KDM6A: variants seen among roughly 807,000 people sequenced by gnomAD.
The protein encoded by KDM6A is lysine demethylase 6A, also known as lysine-specific demethylase 6A.
In KDM6A, 11 loss-of-function variants were observed where a neutral mutation model predicts 117.6. The ratio of observed to expected loss-of-function variants is 0.09; its 90% CI spans 0.06 to 0.15. The LOEUF (loss-of-function observed/expected upper bound fraction) is 0.15. Among genes scored for constraint, KDM6A ranks in the 10% least tolerant of loss-of-function variants. The pLI is 1.00. For synonymous variants in KDM6A, 384 were observed against 396.1 expected (o/e 0.97, Z 0.36); for missense variants, 799 against 1,077.3 (o/e 0.74, Z 3.62).
chrX:44,904,948 T>G (rs1014938827), intron 2 of KDM6A, among the ~76,000 whole-genome samples: 1 of 112,243 alleles, frequency 8.9e-6, no homozygotes. Context: ...ATTCTGAAAC[T>G]ATTTGCTCGT....
chrX:44,985,812 C>A (rs756682991), intron 4 of KDM6A, among the ~76,000 whole-genome samples: 34 of 111,407 alleles, frequency 3.1e-4, no homozygotes, highest in African/African-American at 8.1e-4. Flanking sequence ...TCGGTTTGTC[C>A]GTATTTTATT....
chrX:45,004,971 C>T (rs2041359525), intron 4 of KDM6A, among the ~76,000 whole-genome samples: 1 of 111,024 alleles, frequency 9.0e-6, no homozygotes. Context: ...GTGGTTTAAG[C>T]TCCTTTTTAA....
At chrX:44,886,752 A>C (rs1307627653) in intron 2 of KDM6A, among the ~76,000 whole-genome samples, 6 of 109,577 alleles carry the variant, frequency 5.5e-5, no homozygotes, top group Non-Finnish European at 1.1e-4. Flanking sequence ...CTGCCTCCCA[A>C]AGTGCTGAGA....
chrX:45,109,244 A>T (rs1336689878), intron 28 of KDM6A, among the ~76,000 whole-genome samples: 1 of 111,010 alleles, frequency 9.0e-6, no homozygotes, highest in East Asian at 2.8e-4. Context: ...TAAAGAAGGG[A>T]AAGAATTCAA....
At chrX:45,007,485 G>C (rs1297142043) in intron 4 of KDM6A, among the ~76,000 whole-genome samples, 1 of 107,557 alleles carries the variant, frequency 9.3e-6, no homozygotes, top group Admixed American at 9.7e-5. Flanking sequence ...TAAATGGCTG[G>C]TGTCATTGCT....
intron 4 of KDM6A, among the ~76,000 whole-genome samples, chrX:44,998,832 C>T (rs1288670732): frequency 9.0e-6 from 1 of 111,714 alleles, no homozygotes; most frequent in East Asian, 2.8e-4. Flanking sequence ...GTGGTGGCTA[C>T]AGTCAAATTC....
At chrX:45,009,413 T>G (rs2041655376) in intron 4 of KDM6A, among the ~76,000 whole-genome samples, 1 of 111,656 alleles carries the variant, frequency 9.0e-6, no homozygotes, top group Admixed American at 9.5e-5. Context: ...TCACTTTTGT[T>G]GCCATCTTGG....
At position 44,873,250 on chromosome X, in the gene KDM6A, C is replaced by T. The variant is rs2030997265; in HGVS notation, c.-302C>T. 1 of 333,358 alleles carries T rather than the reference C, an allele frequency of 3.0e-6. No homozygotes were observed. Among genetic ancestry groups the T allele is most frequent in the African/African-American group, 2.8e-5 (1 of 35,829 alleles). The allele number at this position is 333,358 out of a possible 1,213,427, so 27.5% of individuals were successfully genotyped here. On this transcript the variant is annotated 5_prime_UTR_variant, in exon 1 of 30. Transcript: ENST00000611820. Reference sequence around the variant, plus strand: ...TCCAACGAATCCCCTCAGTGCTCCCCAGCCCCGCGCGCTCCGGCCGTTCCC... The same window carrying T: ...TCCAACGAATCCCCTCAGTGCTCCCTAGCCCCGCGCGCTCCGGCCGTTCCC...
chrX:45,070,385 A>C (rs762384517), intron 18 of KDM6A, 28 bp downstream of exon 18: 13 of 1,176,888 alleles, frequency 1.1e-5, no homozygotes, highest in Non-Finnish European at 1.4e-5. Flanking sequence ...CATCAAAGTG[A>C]AAATGTTTGA....
rs1463488873 is a variant in KDM6A at position 45,112,051 on chromosome X, A to G, written c.*640A>G. The G allele has an allele frequency of 1.2e-5, 2 of 165,189 alleles. No individual in the cohort carries two copies. The highest frequency in any genetic ancestry group is 2.3e-5 in the Non-Finnish European group (2 of 86,128). 13.6% of individuals were successfully genotyped at this position (165,189 alleles called of 1,213,427 possible). On this transcript the variant is annotated 3_prime_UTR_variant, in exon 30 of 30. Coordinates refer to ENST00000611820, the MANE Select transcript of KDM6A (RefSeq NM_001291415.2). ...ATTTTTGTTTCTAATCTTGATGTAA[A>G]TTTACACTATTTATAAATACATATT...
chrX:45,041,870 A>G (rs2043239377), intron 8 of KDM6A, among the ~76,000 whole-genome samples: 1 of 110,883 alleles, frequency 9.0e-6, no homozygotes, highest in African/African-American at 3.3e-5. Context: ...CAGAGGCTGC[A>G]ATCTCGGCAC....
Position 44,873,499 on chromosome X carries a change from C to G in KDM6A, c.-53C>G. ...CGCAGATTGGGGGCGTCACTGCGGG[C>G]CCCGGTCCGAGGGGGGGTGTCGGCG... On this transcript the variant is annotated 5_prime_UTR_variant, in exon 1 of 30. Coordinates refer to ENST00000611820, the MANE Select transcript of KDM6A (RefSeq NM_001291415.2). 1 of 1,205,928 alleles carries G rather than the reference C, an allele frequency of 8.3e-7. No individual in the cohort carries two copies. The highest frequency in any genetic ancestry group is 1.1e-6 in the Non-Finnish European group (1 of 892,038).
chrX:45,053,417 C>T (rs1321664506), intron 9 of KDM6A, among the ~76,000 whole-genome samples: 5 of 111,165 alleles, frequency 4.5e-5, no homozygotes, highest in Admixed American at 3.8e-4. Context: ...GGCAAAAGAG[C>T]GAGACTCTGT....
intron 2 of KDM6A, among the ~76,000 whole-genome samples, chrX:44,885,851 C>G (rs917556103): frequency 2.7e-5 from 3 of 109,907 alleles, no homozygotes; most frequent in Admixed American, 1.9e-4. Context: ...GCCTGGGTGA[C>G]AGAGTCAGAC....
chrX:44,935,850 C>T (rs918494193), intron 2 of KDM6A, among the ~76,000 whole-genome samples: 1 of 111,661 alleles, frequency 9.0e-6, no homozygotes, highest in African/African-American at 3.3e-5. Context: ...AAGGATATTG[C>T]GCAGGAAACA....
intron 2 of KDM6A, among the ~76,000 whole-genome samples, chrX:44,936,387 T>G (rs986957343): frequency 3.6e-5 from 4 of 111,433 alleles, no homozygotes; most frequent in Non-Finnish European, 7.5e-5. Flanking sequence ...CACCCCCAAA[T>G]AGGAACCAAT....
rs200258430 is a variant in KDM6A, at chrX:44,922,244, G to A, written c.226-39040G>A. Among the ~76,000 whole-genome samples the A allele has an allele frequency of 8.6e-5, 9 of 104,180 alleles. No individual in the cohort carries two copies. In the East Asian group the frequency reaches 1.5e-3, roughly 18 times the overall value. The allele number at this position is 104,180 out of a possible 115,157, so 90.5% of individuals were successfully genotyped here. ...TTTTTAGTAGAGGTGGGGTTTCGCC[G>A]TGTTGCCCAGGCTGGTCCAGGCTGG... On this transcript the variant is annotated intron_variant, in intron 2 of 29. Coordinates refer to ENST00000611820, the MANE Select transcript of KDM6A (RefSeq NM_001291415.2).
intron 27 of KDM6A, among the ~76,000 whole-genome samples, chrX:45,097,316 C>G (rs1054338752): frequency 2.7e-5 from 3 of 110,664 alleles, no homozygotes; most frequent in African/African-American, 9.9e-5. Context: ...ACAAGCTTAC[C>G]TATAACAGAC....
chrX:45,107,604 T>C, intron 28 of KDM6A, 68 bp downstream of exon 28: 1 of 1,121,507 alleles, frequency 8.9e-7, no homozygotes, highest in African/African-American at 1.8e-5. Flanking sequence ...GGTTTCTCTT[T>C]ATTTTTAAAA....
Sources: gnomAD v4.1 joint callset for allele counts (sites outside exome capture counted in the v4.1 genomes callset) on GRCh38, gnomAD v4.1.1 for gene constraint, MANE v1.5 for transcripts, NCBI Gene and HGNC (gene_info 2026-07-23, HGNC 2026-07-21) for gene names.